The following GRID1 variants were observed in gnomAD, a reference collection of about 807,000 sequenced individuals.
GRID1 encodes glutamate receptor ionotropic, delta-1.
GRID1 carries 28 observed loss-of-function variants against 98.0 expected under a neutral mutation model. The observed-to-expected ratio is 0.29, with a 90% CI of 0.21 to 0.39. The LOEUF is 0.39. Among genes scored for constraint, GRID1 ranks in the 10% least tolerant of loss-of-function variants. GRID1 has a pLI of 1.00. For missense variants in GRID1, 1,111 were observed against 1,340.5 expected, an observed-to-expected ratio of 0.83 and a Z score of 2.67; for synonymous variants, 553 against 538.5, an observed-to-expected ratio of 1.03 and a Z score of -0.37.
chr10:85,699,287 T>G (rs1303828488), intron 12 of GRID1, among the ~76,000 whole-genome samples: 3 of 152,078 alleles, frequency 2.0e-5, no homozygotes, highest in African/African-American at 7.2e-5. Flanking sequence ...CTCCTGACCT[T>G]AGGTGATCCT....
intron 8 of GRID1, among the ~76,000 whole-genome samples, chr10:85,829,428 A>G (rs965735481): frequency 6.6e-6 from 1 of 152,160 alleles, no homozygotes; most frequent in Non-Finnish European, 1.5e-5. Flanking sequence ...CCTATTCAAC[A>G]CAGTATTGGA....
At position 86,045,230 on chromosome 10, in the gene GRID1, A is replaced by T. The variant is rs147326936; in HGVS notation, c.726+93589T>A. 4.0e-3 allele frequency among the ~76,000 whole-genome samples: 606 copies of T among 152,362 alleles called. 4 individuals are homozygous for T. Among genetic ancestry groups the T allele is most frequent in the African/African-American group, 0.014 (573 of 41,582 alleles). ...CATGGGGAGATTAGGTTATTTGCCC[A>T]GGGTTATGCAACTATTAATGGCAGA... is the stretch of plus-strand genomic sequence containing the variant. On this transcript the variant is annotated intron_variant, in intron 4 of 15. Transcript: ENST00000327946.
intron 2 of GRID1, among the ~76,000 whole-genome samples, chr10:86,229,977 C>T (rs1846425097): frequency 1.3e-5 from 2 of 152,244 alleles, no homozygotes; most frequent in South Asian, 4.1e-4. Flanking sequence ...TGGCCCAGAG[C>T]AGGCCCTGAG....
At chr10:86,198,768 A>G (rs1845910152) in intron 3 of GRID1, among the ~76,000 whole-genome samples, 4 of 152,138 alleles carry the variant, frequency 2.6e-5, no homozygotes, top group Admixed American at 2.6e-4. Flanking sequence ...GGAGGAGCAA[A>G]CTGCCAAATC....
intron 4 of GRID1, among the ~76,000 whole-genome samples, chr10:86,114,626 G>A (rs990921931): frequency 4.6e-5 from 7 of 152,172 alleles, no homozygotes; most frequent in African/African-American, 1.7e-4. Flanking sequence ...CTGCCAGTTG[G>A]AAACATTCTC....
At chr10:86,207,286 T>G (rs1589410856) in intron 2 of GRID1, among the ~76,000 whole-genome samples, 1 of 152,214 alleles carries the variant, frequency 6.6e-6, no homozygotes, top group African/African-American at 2.4e-5. Flanking sequence ...AAACCCCAGA[T>G]GAAGCAGTTG....
intron 4 of GRID1, among the ~76,000 whole-genome samples, chr10:86,129,060 C>G (rs1438792131): frequency 6.6e-6 from 1 of 152,196 alleles, no homozygotes; most frequent in Non-Finnish European, 1.5e-5. Flanking sequence ...GCCCTGTAGA[C>G]AGAAAGCCTA....
intron 8 of GRID1, among the ~76,000 whole-genome samples, chr10:85,754,289 C>T (rs1446939448): frequency 1.3e-5 from 2 of 152,184 alleles, no homozygotes; most frequent in Non-Finnish European, 2.9e-5. Context: ...ATTAAACAAG[C>T]ATTTATTGAA....
intron 8 of GRID1, among the ~76,000 whole-genome samples, chr10:85,801,648 C>T (rs1202267630): frequency 6.6e-6 from 1 of 151,474 alleles, no homozygotes; most frequent in Non-Finnish European, 1.5e-5. Context: ...AAAGAAAGTG[C>T]TTTATTTTGA....
At chr10:85,905,482 T>G (rs1281142708) in intron 5 of GRID1, among the ~76,000 whole-genome samples, 1 of 152,042 alleles carries the variant, frequency 6.6e-6, no homozygotes, top group East Asian at 1.9e-4. Flanking sequence ...AGAAAAGTAT[T>G]TAAGATTATT....
At chr10:86,181,815 T>C (rs897046519) in intron 3 of GRID1, among the ~76,000 whole-genome samples, 1 of 152,180 alleles carries the variant, frequency 6.6e-6, no homozygotes, top group Non-Finnish European at 1.5e-5. Flanking sequence ...GGTACTTATC[T>C]TGTTGGCTTT....
chr10:85,711,841 A>G (rs1486275774), intron 12 of GRID1, among the ~76,000 whole-genome samples: 1 of 151,774 alleles, frequency 6.6e-6, no homozygotes, highest in African/African-American at 2.4e-5. Context: ...CAGTTTTATA[A>G]AAGAATTAAG....
At chr10:86,320,603 G>A (rs1847956529) in intron 2 of GRID1, among the ~76,000 whole-genome samples, 1 of 152,144 alleles carries the variant, frequency 6.6e-6, no homozygotes, top group Admixed American at 6.5e-5. Context: ...TTCTGGAGAT[G>A]GATGGTGGTG....
chr10:86,129,240 T>C (rs998402315), intron 4 of GRID1, among the ~76,000 whole-genome samples: 1 of 152,134 alleles, frequency 6.6e-6, no homozygotes, highest in Non-Finnish European at 1.5e-5. Context: ...TTCAGAGGTG[T>C]CCAGTCCCCC....
intron 6 of GRID1, among the ~76,000 whole-genome samples, chr10:85,866,690 A>G (rs2131790926): frequency 6.6e-6 from 1 of 152,274 alleles, no homozygotes; most frequent in Non-Finnish European, 1.5e-5. Flanking sequence ...TTTAATTTTA[A>G]TTATGACTCT....
At chr10:85,669,052 A>G (rs574409714) in intron 12 of GRID1, among the ~76,000 whole-genome samples, 1 of 152,364 alleles carries the variant, frequency 6.6e-6, no homozygotes, top group African/African-American at 2.4e-5. Flanking sequence ...TGGTTCCACC[A>G]GAGGATGACA....
chr10:86,263,461 G>C (rs549813576), intron 2 of GRID1, among the ~76,000 whole-genome samples: 23 of 152,326 alleles, frequency 1.5e-4, no homozygotes, highest in African/African-American at 5.1e-4. Context: ...GGGTTCCAGC[G>C]TGCAGCACCA....
intron 2 of GRID1, among the ~76,000 whole-genome samples, chr10:86,332,405 G>A (rs369976040): frequency 1.3e-5 from 2 of 152,068 alleles, no homozygotes; most frequent in African/African-American, 4.8e-5. Flanking sequence ...AGCTCAGAAC[G>A]CCTCTGAAGG....
At position 85,805,883 on chromosome 10, in the gene GRID1, A is replaced by T. The variant is rs558139726; in HGVS notation, c.1233+48613T>A. Among the ~76,000 whole-genome samples, 92 of 152,082 alleles carry T rather than the reference A, an allele frequency of 6.0e-4. 1 individual carries two copies. Among genetic ancestry groups the T allele is most frequent in the African/African-American group, 2.1e-3 (88 of 41,566 alleles). On this transcript the variant is annotated intron_variant, in intron 8 of 15. Transcript: ENST00000327946. Reference sequence around the variant, plus strand: ...ACATAAAACTATAAAATTTTAGACAAAAACATAGGGAAAAATATTTGTGAC... The same window carrying T: ...ACATAAAACTATAAAATTTTAGACATAAACATAGGGAAAAATATTTGTGAC...
Sources: allele counts gnomAD v4.1 joint callset (sites outside exome capture counted in the v4.1 genomes callset), GRCh38; gene constraint gnomAD v4.1.1; transcripts MANE v1.5; gene names NCBI Gene and HGNC (gene_info 2026-07-23, HGNC 2026-07-21).